Variants in LRBA observed in about 807,000 individuals in gnomAD.
The protein encoded by LRBA is lipopolysaccharide-responsive and beige-like anchor protein.
Under a neutral mutation model 330.0 loss-of-function variants are expected in LRBA, and 176 were observed. That is an observed-to-expected ratio of 0.53 (90% CI 0.47 to 0.60). The LOEUF (loss-of-function observed/expected upper bound fraction) is 0.60, where lower values mean the gene tolerates loss of function less well. LRBA is among the 20% of genes least tolerant of loss of function. The probability of loss-of-function intolerance (pLI) is 0.00; values close to 1 mark genes in which losing one functional copy is unlikely to be tolerated. For synonymous variants in LRBA, 1,230 were observed against 1,193.0 expected, an observed-to-expected ratio of 1.03 and a Z score of -0.64; for missense variants, 3,259 against 3,444.8, an observed-to-expected ratio of 0.95 and a Z score of 1.35.
At chr4:150,573,588 T>TC (rs1770151966) in intron 40 of LRBA, among the ~76,000 whole-genome samples, 1 of 152,194 alleles carries the variant, frequency 6.6e-6, no homozygotes, top group Admixed American at 6.5e-5. Flanking sequence ...TATGCTATCT[T>TC]TTCTTGCCTC....
chr4:151,008,581 C>T (rs1364304049), intron 2 of LRBA, among the ~76,000 whole-genome samples: 1 of 151,384 alleles, frequency 6.6e-6, no homozygotes, highest in African/African-American at 2.4e-5. Context: ...ATTTTCAATT[C>T]GAGTTTGGTT....
chr4:150,355,852 T>C (rs1406350361), intron 47 of LRBA, among the ~76,000 whole-genome samples: 3 of 152,078 alleles, frequency 2.0e-5, no homozygotes, highest in Non-Finnish European at 2.9e-5. Context: ...GACATTGAGA[T>C]TGGCAAGGCG....
At chr4:150,275,440 G>T (rs1423450095) in intron 56 of LRBA, among the ~76,000 whole-genome samples, 2 of 152,152 alleles carry the variant, frequency 1.3e-5, no homozygotes, top group Non-Finnish European at 1.5e-5. Context: ...GGGCAATCAG[G>T]CAAGAGAAAG....
intron 17 of LRBA, among the ~76,000 whole-genome samples, chr4:150,878,330 C>T (rs1407874202): frequency 2.0e-5 from 3 of 151,646 alleles, no homozygotes; most frequent in Admixed American, 6.6e-5. Flanking sequence ...CAGAGCAGGA[C>T]TGTCTCAAAA....
Position 150,350,112 on chromosome 4 carries a change from A to C in LRBA, c.7242T>G (p.Asp2414Glu). Reference protein sequence around the residue: ...FVSCQLHQWIDLIFGYKQQGP... With the variant: ...FVSCQLHQWIELIFGYKQQGP... Reference sequence around the variant, plus strand: ...CTTGCTGTTTATAGCCAAAAATGAGATCAATCCATTGGTGAAGCTGGCAGG... The same window carrying C: ...CTTGCTGTTTATAGCCAAAAATGAGCTCAATCCATTGGTGAAGCTGGCAGG... The change falls in exon 48 of 57, where the codon GAT becomes GAG. Residue 2414 changes from aspartate (D) to glutamate (E), a missense_variant. Coordinates refer to ENST00000651943, the MANE Select transcript of LRBA (RefSeq NM_001364905.1). The C allele has an allele frequency of 6.2e-7, 1 of 1,606,306 alleles. No individual in the cohort carries two copies. Among genetic ancestry groups the C allele is most frequent in the Non-Finnish European group, 8.5e-7 (1 of 1,177,196 alleles).
At chr4:150,554,699 C>G (rs1253802455) in intron 40 of LRBA, among the ~76,000 whole-genome samples, 1 of 151,978 alleles carries the variant, frequency 6.6e-6, no homozygotes. Flanking sequence ...TTTATAGACT[C>G]CTTTCTGACC....
At chr4:150,639,749 A>ATGTGTGTG (rs1459373432) in intron 37 of LRBA, among the ~76,000 whole-genome samples, 1 of 3,442 alleles carries the variant, frequency 2.9e-4, no homozygotes, top group East Asian at 0.012. Context: ...ATATATATAT[A>ATGTGTGTG]TATATATATA....
intron 46 of LRBA, among the ~76,000 whole-genome samples, chr4:150,418,131 C>T (rs1748058452): frequency 6.6e-6 from 1 of 151,754 alleles, no homozygotes; most frequent in South Asian, 2.1e-4. Flanking sequence ...GATCTTTCCA[C>T]CTTAGCCTCC....
intron 22 of LRBA, among the ~76,000 whole-genome samples, chr4:150,862,677 T>TA (rs1184428480): frequency 7.9e-5 from 6 of 75,588 alleles, no homozygotes; most frequent in South Asian, 4.1e-4. Flanking sequence ...AAAGTATAAT[T>TA]TAAAAAAAAA....
At chr4:150,518,611 C>G (rs963657108) in intron 40 of LRBA, among the ~76,000 whole-genome samples, 1 of 152,160 alleles carries the variant, frequency 6.6e-6, no homozygotes, top group Non-Finnish European at 1.5e-5. Flanking sequence ...CTACAACCAG[C>G]CTCCCTTCCT....
At chr4:150,813,174 AAAG>A (rs1419460856) in intron 31 of LRBA, among the ~76,000 whole-genome samples, 461 of 8,338 alleles carry the variant, frequency 0.055, 2 homozygotes, top group African/African-American at 0.11. Flanking sequence ...AAAAAAAAAA[AAAG>A]AAAGAAAGAA....
At chr4:150,645,901 A>G (rs533885469) in intron 37 of LRBA, among the ~76,000 whole-genome samples, 1 of 106,578 alleles carries the variant, frequency 9.4e-6, no homozygotes, top group African/African-American at 3.5e-5. Context: ...CCCCCTCCCA[A>G]GAAAAAGAAA....
In LRBA at chr4:150,979,178, T is replaced by C. The variant is rs916202602; in HGVS notation, c.216+35249A>G. Among the ~76,000 whole-genome samples the C allele has an allele frequency of 7.2e-5, 11 of 152,232 alleles. No homozygotes were observed. The South Asian group carries it at 1.2e-3, about 17-fold the overall frequency. ...CAAATAACGTACAATGGAGCTCCAA[T>C]ACATCCGGCAGCTGACTTTTCAGTG... On this transcript the variant is annotated intron_variant, in intron 2 of 56. Coordinates refer to ENST00000651943, the MANE Select transcript of LRBA (RefSeq NM_001364905.1).
chr4:150,826,541 G>C lies in LRBA; in HGVS notation c.5171+1639C>G, dbSNP rs747342649. 3.9e-5 allele frequency among the ~76,000 whole-genome samples: 6 copies of C among 152,180 alleles called. 1 individual carries two copies. The South Asian group carries it at 1.0e-3, about 26-fold the overall frequency. On this transcript the variant is annotated intron_variant, in intron 30 of 56. Coordinates refer to ENST00000651943, the MANE Select transcript of LRBA (RefSeq NM_001364905.1). ...TCTGTTGGTTGTACAAGAAGGCCTG[G>C]ACAAAAAGAATCCTTTTTCTGGATT...
intron 46 of LRBA, among the ~76,000 whole-genome samples, chr4:150,433,452 A>G (rs966010013): frequency 2.0e-5 from 3 of 152,170 alleles, no homozygotes; most frequent in African/African-American, 4.8e-5. Flanking sequence ...GTACAGATAG[A>G]GGCAGAAAGC....
At position 150,834,515 on chromosome 4, in the gene LRBA, G is replaced by C. The variant is rs376137974; in HGVS notation, c.4570-2539C>G. On this transcript the variant is annotated intron_variant, in intron 28 of 56. Transcript: ENST00000651943. ...TCAATGAGCAGTAATAATTTGAAAA[G>C]ACTCTTTTCTTCTGAACAGCAGGTC... Among the ~76,000 whole-genome samples, 10 of 152,324 alleles carry C rather than the reference G, an allele frequency of 6.6e-5. No homozygotes were observed. The East Asian group carries it at 1.9e-3, about 29-fold the overall frequency.
chr4:150,784,568 A>T (rs1487514308), intron 34 of LRBA, among the ~76,000 whole-genome samples: 2 of 152,162 alleles, frequency 1.3e-5, no homozygotes, highest in Non-Finnish European at 2.9e-5. Context: ...TGCCTGGTCA[A>T]ACCAATCCCC....
chr4:150,831,731 A>C, intron 29 of LRBA, 86 bp downstream of exon 29: 1 of 1,070,476 alleles, frequency 9.3e-7, no homozygotes, highest in East Asian at 2.8e-5. Flanking sequence ...AAATGGATTT[A>C]AATTCCAATA....
chr4:150,484,959 T>C (rs1377059006), intron 42 of LRBA, among the ~76,000 whole-genome samples: 2 of 151,894 alleles, frequency 1.3e-5, no homozygotes, highest in African/African-American at 4.8e-5. Flanking sequence ...TCCAAAAACC[T>C]TTCTGTAACT....
Sources: allele counts gnomAD v4.1 joint callset (sites outside exome capture counted in the v4.1 genomes callset), GRCh38; gene constraint gnomAD v4.1.1; transcripts MANE v1.5; gene names NCBI Gene and HGNC (gene_info 2026-07-23, HGNC 2026-07-21).